The following CAMK2D variants were observed in gnomAD, a reference collection of about 807,000 sequenced individuals.
CAMK2D encodes the protein calcium/calmodulin-dependent protein kinase type II subunit delta.
CAMK2D carries 37 observed loss-of-function variants against 84.0 expected under a neutral mutation model. The observed-to-expected ratio is 0.44, with a 90% CI of 0.34 to 0.58. CAMK2D has a LOEUF of 0.58. Among genes scored for constraint, CAMK2D ranks in the 20% least tolerant of loss-of-function variants. The probability of loss-of-function intolerance (pLI) is 0.02; values close to 1 mark genes in which losing one functional copy is unlikely to be tolerated. For missense variants in CAMK2D, 448 were observed against 652.5 expected (o/e 0.69, Z 3.41); for synonymous variants, 202 against 212.5 (o/e 0.95, Z 0.43).
intron 16 of CAMK2D, among the ~76,000 whole-genome samples, chr4:113,470,630 T>A (rs1295742589): frequency 7.0e-6 from 1 of 142,154 alleles, no homozygotes; most frequent in East Asian, 2.2e-4. Flanking sequence ...GAGCGAGACT[T>A]TGTCTCAAAA....
At chr4:113,512,613 G>A (rs190489071) in intron 12 of CAMK2D, among the ~76,000 whole-genome samples, 276 of 152,088 alleles carry the variant, frequency 1.8e-3, no homozygotes, top group African/African-American at 6.3e-3. Context: ...TCGCTCTGTC[G>A]CCAGGCTGGA....
chr4:113,511,497 T>C lies in CAMK2D; in HGVS notation c.947-1822A>G, dbSNP rs373513483. On this transcript the variant is annotated intron_variant, in intron 12 of 20. Transcript: ENST00000511664. ...TGTATTTAACACTTCTTTAACAAAA[T>C]GTACAGTTTTAAATGTGAAGATTTT... is the stretch of plus-strand genomic sequence containing the variant. Among the ~76,000 whole-genome samples, 8 of 152,264 alleles carry C rather than the reference T, an allele frequency of 5.3e-5. No homozygotes were observed. The East Asian group carries it at 1.2e-3, about 22-fold the overall frequency.
intron 2 of CAMK2D, among the ~76,000 whole-genome samples, chr4:113,735,432 A>G (rs755488661): frequency 6.6e-6 from 1 of 151,428 alleles, no homozygotes; most frequent in Non-Finnish European, 1.5e-5. Flanking sequence ...CTGAGATTGC[A>G]CCGCTGTACT....
At chr4:113,589,330 G>C (rs1591612912) in intron 4 of CAMK2D, among the ~76,000 whole-genome samples, 1 of 152,106 alleles carries the variant, frequency 6.6e-6, no homozygotes, top group African/African-American at 2.4e-5. Context: ...GGCCAAGGGG[G>C]TGCTGTGGAG....
At chr4:113,676,854 A>G (rs2099320250) in intron 2 of CAMK2D, among the ~76,000 whole-genome samples, 1 of 152,242 alleles carries the variant, frequency 6.6e-6, no homozygotes, top group African/African-American at 2.4e-5. Context: ...AATTCAATCT[A>G]TAACTGATTC....
Position 113,566,951 on chromosome 4 carries a change from G to A in CAMK2D, c.276-14855C>T, listed in dbSNP as rs79405668. Among the ~76,000 whole-genome samples the A allele has an allele frequency of 6.8e-3, 1,041 of 152,070 alleles. 18 individuals carry two copies. Among genetic ancestry groups the A allele is most frequent in the African/African-American group, 0.024 (976 of 41,464 alleles). ...TCCTCCTTCAACTACTACAATGTCAGTTCTGTCTTGTCCATTACTGTATTC... is the reference window on the plus strand; with the variant it reads ...TCCTCCTTCAACTACTACAATGTCAATTCTGTCTTGTCCATTACTGTATTC... On this transcript the variant is annotated intron_variant, in intron 4 of 20. Coordinates refer to ENST00000511664, the MANE Select transcript of CAMK2D (RefSeq NM_001321571.2).
intron 2 of CAMK2D, among the ~76,000 whole-genome samples, chr4:113,706,781 AT>A (rs1209707504): frequency 2.6e-5 from 4 of 152,236 alleles, no homozygotes; most frequent in Non-Finnish European, 5.9e-5. Context: ...GGGTTAGTAT[AT>A]TAGAAAACTC....
At chr4:113,542,232 A>G (rs1403122901) in intron 6 of CAMK2D, among the ~76,000 whole-genome samples, 1 of 152,236 alleles carries the variant, frequency 6.6e-6, no homozygotes, top group Non-Finnish European at 1.5e-5. Context: ...AAATACTGGA[A>G]TGGCTAAATG....
chr4:113,679,271 C>T (rs1362145957), intron 2 of CAMK2D: 3 of 154,712 alleles, frequency 1.9e-5, no homozygotes, highest in African/African-American at 7.2e-5. Flanking sequence ...ATATAATTAA[C>T]TCTGTGACCA....
intron 16 of CAMK2D, among the ~76,000 whole-genome samples, chr4:113,478,089 C>A (rs920474420): frequency 6.6e-6 from 1 of 151,678 alleles, no homozygotes; most frequent in African/African-American, 2.4e-5. Flanking sequence ...GAGATTAAGA[C>A]AATAGTAAGA....
rs550039034 is a variant in CAMK2D at position 113,530,580 on chromosome 4, G to A, written c.601+636C>T. Among the ~76,000 whole-genome samples, 9 of 152,280 alleles carry A rather than the reference G, an allele frequency of 5.9e-5. No homozygotes were observed. The South Asian group carries it at 1.9e-3, about 32-fold the overall frequency. ...AATCCTAACTCCTAATATGATGGAAGGAAGGAAAGTGAGGTCTTTGGTAGG... is the reference window on the plus strand; with the variant it reads ...AATCCTAACTCCTAATATGATGGAAAGAAGGAAAGTGAGGTCTTTGGTAGG... On this transcript the variant is annotated intron_variant, in intron 8 of 20. Transcript: ENST00000511664.
intron 3 of CAMK2D, among the ~76,000 whole-genome samples, chr4:113,645,332 C>G (rs1276410703): frequency 6.6e-6 from 1 of 152,020 alleles, no homozygotes; most frequent in Non-Finnish European, 1.5e-5. Context: ...TTTTTTACAT[C>G]TTGAGATGGA....
At chr4:113,672,901 A>G (rs1271420175) in intron 2 of CAMK2D, among the ~76,000 whole-genome samples, 1 of 152,224 alleles carries the variant, frequency 6.6e-6, no homozygotes, top group Non-Finnish European at 1.5e-5. Context: ...AAACTATGAC[A>G]TATCAATTAA....
chr4:113,481,919 G>GT (rs1233755824), intron 16 of CAMK2D, among the ~76,000 whole-genome samples: 1 of 152,262 alleles, frequency 6.6e-6, no homozygotes, highest in Admixed American at 6.5e-5. Flanking sequence ...ACATGGAATA[G>GT]TAAGTGCAAG....
At chr4:113,702,773 T>A (rs1656338766) in intron 2 of CAMK2D, among the ~76,000 whole-genome samples, 1 of 152,070 alleles carries the variant, frequency 6.6e-6, no homozygotes, top group South Asian at 2.1e-4. Context: ...CTAGGCATGG[T>A]GGTATGCACC....
intron 14 of CAMK2D, among the ~76,000 whole-genome samples, chr4:113,504,724 C>T (rs1452107307): frequency 6.7e-6 from 1 of 149,656 alleles, no homozygotes; most frequent in African/African-American, 2.5e-5. Context: ...GCTATCAGTA[C>T]AATGTTCAAC....
intron 3 of CAMK2D, among the ~76,000 whole-genome samples, chr4:113,621,298 T>A (rs563346647): frequency 6.6e-6 from 1 of 152,302 alleles, no homozygotes; most frequent in South Asian, 2.1e-4. Flanking sequence ...TCCTAGTTCT[T>A]ATATGCCAGA....
chr4:113,485,067 A>G (rs955957439), intron 16 of CAMK2D, among the ~76,000 whole-genome samples: 22 of 152,198 alleles, frequency 1.4e-4, no homozygotes, highest in Admixed American at 1.4e-3. Flanking sequence ...AGCTCCTGTT[A>G]AAGCACTTAG....
intron 2 of CAMK2D, among the ~76,000 whole-genome samples, chr4:113,695,197 G>A (rs2099399100): frequency 1.3e-5 from 2 of 152,006 alleles, no homozygotes; most frequent in African/African-American, 4.8e-5. Context: ...GGAATTTGTG[G>A]GATGGGAAGA....
Sources: gnomAD v4.1 joint callset for allele counts (sites outside exome capture counted in the v4.1 genomes callset) on GRCh38, gnomAD v4.1.1 for gene constraint, MANE v1.5 for transcripts, NCBI Gene and HGNC (gene_info 2026-07-23, HGNC 2026-07-21) for gene names.